The following PAX5 variants were observed in gnomAD, a reference collection of about 807,000 sequenced individuals.
PAX5 encodes paired box protein Pax-5.
A neutral mutation model predicts 43.7 loss-of-function variants in PAX5; 9 were observed. The observed-to-expected ratio is 0.21, with a 90% CI of 0.12 to 0.36. The LOEUF (loss-of-function observed/expected upper bound fraction) is 0.36, where lower values mean the gene tolerates loss of function less well. Ranked by LOEUF, PAX5 falls within the 10% of genes least tolerant of loss-of-function variation. The pLI is 1.00. For synonymous variants in PAX5, 228 were observed against 214.3 expected, an observed-to-expected ratio of 1.06 and a Z score of -0.56; for missense variants, 383 against 532.7, an observed-to-expected ratio of 0.72 and a Z score of 2.77.
chr9:36,940,125 A>T (rs1042741357), intron 6 of PAX5, among the ~76,000 whole-genome samples: 1 of 151,490 alleles, frequency 6.6e-6, no homozygotes, highest in Non-Finnish European at 1.5e-5. Flanking sequence ...GAGATGTTCT[A>T]CTCCTTCCAG....
chr9:36,838,136 G>A lies in PAX5; in HGVS notation c.*2424C>T, dbSNP rs1821771234. On this transcript the variant is annotated 3_prime_UTR_variant, in exon 10 of 10. Coordinates refer to ENST00000358127, the MANE Select transcript of PAX5 (RefSeq NM_016734.3). ...TGCAGCCAGCTCACCCTGGCTCCTGGAGGTGGACTCTGGCCCCAACTACCT... is the reference window on the plus strand; with the variant it reads ...TGCAGCCAGCTCACCCTGGCTCCTGAAGGTGGACTCTGGCCCCAACTACCT... The A allele has an allele frequency of 4.3e-6, 1 of 233,228 alleles. No homozygotes were observed. The highest frequency in any genetic ancestry group is 2.2e-5 in the African/African-American group (1 of 45,338). The allele number at this position is 233,228 out of a possible 1,614,324, so 14.4% of individuals were successfully genotyped here. A position where few individuals can be genotyped will look rare whatever the true frequency, so the allele number is the denominator to read the frequency against.
At position 37,014,343 on chromosome 9, in the gene PAX5, G is replaced by A. The variant is rs1279804033; in HGVS notation, c.410+654C>T. Reference sequence around the variant, plus strand: ...TCCCTGTGTGAGATTCCATGTATGAGTTGGGGAGAGGGCAACTCCTTTGCT... The same window carrying A: ...TCCCTGTGTGAGATTCCATGTATGAATTGGGGAGAGGGCAACTCCTTTGCT... On this transcript the variant is annotated intron_variant, in intron 3 of 9. Coordinates refer to ENST00000358127, the MANE Select transcript of PAX5 (RefSeq NM_016734.3). Among the ~76,000 whole-genome samples the A allele has an allele frequency of 2.0e-5, 3 of 152,200 alleles. No individual in the cohort carries two copies. The East Asian group carries it at 5.8e-4, about 29-fold the overall frequency.
intron 5 of PAX5, among the ~76,000 whole-genome samples, chr9:36,985,360 G>C (rs574124744): frequency 6.6e-6 from 1 of 152,346 alleles, no homozygotes; most frequent in South Asian, 2.1e-4. Context: ...CAGTTGTTTA[G>C]TGAGTGAGGG....
At chr9:37,007,893 G>C (rs1296925758) in intron 3 of PAX5, 2 of 152,004 alleles carry the variant, frequency 1.3e-5, no homozygotes, top group Admixed American at 1.3e-4. Context: ...GTGGTTGTTT[G>C]TTTTGAGACA....
chr9:37,024,157 G>A (rs1332189396), intron 1 of PAX5, among the ~76,000 whole-genome samples: 1 of 152,206 alleles, frequency 6.6e-6, no homozygotes, highest in Non-Finnish European at 1.5e-5. Context: ...TTAGGCCACC[G>A]TCAGGTAGGA....
At chr9:36,988,497 C>T (rs1362860176) in intron 5 of PAX5, among the ~76,000 whole-genome samples, 1 of 151,700 alleles carries the variant, frequency 6.6e-6, no homozygotes, top group South Asian at 2.1e-4. Context: ...CTTGTCTTGA[C>T]AAAAAAATTT....
intron 1 of PAX5, among the ~76,000 whole-genome samples, chr9:37,026,068 A>G (rs1364472664): frequency 6.6e-6 from 1 of 152,076 alleles, no homozygotes; most frequent in Non-Finnish European, 1.5e-5. Context: ...CTTCCTCCAC[A>G]CATACAGACA....
rs560768081 is a variant in PAX5 at position 36,903,206 on chromosome 9, G to A, written c.910+20149C>T. Among the ~76,000 whole-genome samples the A allele has an allele frequency of 2.0e-5, 3 of 152,274 alleles. No individual in the cohort carries two copies. In the South Asian group the frequency reaches 6.2e-4, roughly 32 times the overall value. ...CTGGCACTTGGCCTTCTCTCTCCCAGACCAAGGAAGGAGGAAGAAAGTCTG... is the reference window on the plus strand; with the variant it reads ...CTGGCACTTGGCCTTCTCTCTCCCAAACCAAGGAAGGAGGAAGAAAGTCTG... On this transcript the variant is annotated intron_variant, in intron 7 of 9. Transcript: ENST00000358127.
intron 5 of PAX5, among the ~76,000 whole-genome samples, chr9:36,977,864 G>T (rs1203384259): frequency 6.6e-6 from 1 of 152,198 alleles, no homozygotes; most frequent in African/African-American, 2.4e-5. Context: ...TCCAACCAGA[G>T]GGAACAGCAT....
At chr9:36,898,290 C>T (rs1828046892) in intron 7 of PAX5, among the ~76,000 whole-genome samples, 1 of 152,176 alleles carries the variant, frequency 6.6e-6, no homozygotes, top group South Asian at 2.1e-4. Flanking sequence ...ATTATTTATG[C>T]GGCCTCAGGC....
At chr9:36,947,694 A>G (rs971150579) in intron 6 of PAX5, among the ~76,000 whole-genome samples, 1 of 152,146 alleles carries the variant, frequency 6.6e-6, no homozygotes, top group Non-Finnish European at 1.5e-5. Context: ...TTATATTTGT[A>G]CGCATATGTG....
chr9:36,875,484 G>T (rs1310157357), intron 8 of PAX5, among the ~76,000 whole-genome samples: 1 of 152,180 alleles, frequency 6.6e-6, no homozygotes, highest in African/African-American at 2.4e-5. Context: ...AGAGCAGGAA[G>T]CTCTGGGAGA....
chr9:37,002,866 A>T, intron 4 of PAX5, 90 bp from the exon 5 acceptor site: 163 of 1,104,788 alleles, frequency 1.5e-4, no homozygotes, highest in East Asian at 4.0e-4. Flanking sequence ...GGCGGCTGGG[A>T]GGGAGCGAGC....
chr9:36,939,951 G>C (rs1208866161), intron 6 of PAX5, among the ~76,000 whole-genome samples: 1 of 152,348 alleles, frequency 6.6e-6, no homozygotes, highest in South Asian at 2.1e-4. Flanking sequence ...ACTGGAACTC[G>C]GGCTGGGGCT....
At chr9:36,929,281 G>GA (rs1211064837) in intron 6 of PAX5, among the ~76,000 whole-genome samples, 2 of 150,404 alleles carry the variant, frequency 1.3e-5, no homozygotes, top group African/African-American at 4.9e-5. Context: ...AAGGAAGGAA[G>GA]GAAGGAAGGA....
At chr9:36,964,173 C>T (rs749156685) in intron 6 of PAX5, among the ~76,000 whole-genome samples, 3 of 152,072 alleles carry the variant, frequency 2.0e-5, no homozygotes, top group East Asian at 3.9e-4. Flanking sequence ...CCGTCCTACT[C>T]GGGAGGCTGA....
At chr9:36,989,100 G>A (rs779279428) in intron 5 of PAX5, among the ~76,000 whole-genome samples, 9 of 152,202 alleles carry the variant, frequency 5.9e-5, no homozygotes, top group Non-Finnish European at 1.2e-4. Flanking sequence ...GGAAGTGTGC[G>A]CAGCAGTGTT....
At chr9:36,994,533 C>T (rs1197107887) in intron 5 of PAX5, among the ~76,000 whole-genome samples, 1 of 152,240 alleles carries the variant, frequency 6.6e-6, no homozygotes, top group Non-Finnish European at 1.5e-5. Context: ...CGGCCAGTTC[C>T]AGGATCTGCC....
rs925820604 is a variant in PAX5, at chr9:36,833,579, C to T, written c.*6981G>A. ...ACCCCTGTTTTCTCCCAAGTCCCAC[C>T]CCTAGCCCTGCCCTCCTCCCCAAAA... On this transcript the variant is annotated 3_prime_UTR_variant, in exon 10 of 10. Coordinates refer to ENST00000358127, the MANE Select transcript of PAX5 (RefSeq NM_016734.3). 19 of 233,076 alleles carry T rather than the reference C, an allele frequency of 8.2e-5. No homozygotes were observed. The highest frequency in any genetic ancestry group is 1.3e-3 in the Middle Eastern group (1 of 788). 14.4% of individuals were successfully genotyped at this position (233,076 alleles called of 1,614,324 possible).
Sources: gnomAD v4.1 joint callset for allele counts (sites outside exome capture counted in the v4.1 genomes callset) on GRCh38, gnomAD v4.1.1 for gene constraint, MANE v1.5 for transcripts, NCBI Gene and HGNC (gene_info 2026-07-23, HGNC 2026-07-21) for gene names.